PDE4D: variants seen among roughly 807,000 people sequenced by gnomAD.
The protein encoded by PDE4D is phosphodiesterase 4D, also known as 3',5'-cyclic-AMP phosphodiesterase 4D.
PDE4D carries 24 observed loss-of-function variants against 87.4 expected under a neutral mutation model. The observed-to-expected ratio is 0.27, with a 90% CI of 0.20 to 0.39. The LOEUF is 0.39. Ranked by LOEUF, PDE4D falls within the 10% of genes least tolerant of loss-of-function variation. The pLI, the probability that PDE4D is intolerant of heterozygous loss-of-function variation, is 1.00. For synonymous variants in PDE4D, 384 were observed against 383.2 expected, an observed-to-expected ratio of 1.00 and a Z score of -0.02; for missense variants, 714 against 1,041.0, an observed-to-expected ratio of 0.69 and a Z score of 4.32.
At chr5:59,220,399 A>G (rs530900197) in intron 1 of PDE4D, among the ~76,000 whole-genome samples, 278 of 146,676 alleles carry the variant, frequency 1.9e-3, no homozygotes, top group African/African-American at 6.7e-3. Flanking sequence ...AAAAAAAAAA[A>G]AAAGAAAGAC....
intron 1 of PDE4D, among the ~76,000 whole-genome samples, chr5:59,243,701 C>T (rs1758191479): frequency 6.6e-6 from 1 of 151,910 alleles, no homozygotes; most frequent in Non-Finnish European, 1.5e-5. Context: ...CTCAGGTGAT[C>T]TGCCTGCCTC....
At chr5:60,273,146 G>C (rs976810699) in intron 1 of PDE4D, among the ~76,000 whole-genome samples, 1 of 152,152 alleles carries the variant, frequency 6.6e-6, no homozygotes, top group Non-Finnish European at 1.5e-5. Flanking sequence ...GGGAACTGAA[G>C]GTCAGTGTGG....
At chr5:59,630,099 C>T (rs1001840287) in intron 1 of PDE4D, among the ~76,000 whole-genome samples, 6 of 152,198 alleles carry the variant, frequency 3.9e-5, no homozygotes, top group East Asian at 3.9e-4. Context: ...AAACTAACTC[C>T]GTATTTGATT....
chr5:60,415,950 T>C (rs1404309944), intron 1 of PDE4D, among the ~76,000 whole-genome samples: 1 of 152,214 alleles, frequency 6.6e-6, no homozygotes, highest in Non-Finnish European at 1.5e-5. Flanking sequence ...CAGCACTCTG[T>C]ATGTAGCTCA....
intron 1 of PDE4D, among the ~76,000 whole-genome samples, chr5:59,694,606 A>G (rs1296214901): frequency 2.6e-5 from 4 of 152,166 alleles, no homozygotes; most frequent in Non-Finnish European, 5.9e-5. Context: ...TGGGTGGGAG[A>G]CTATTAAGAG....
intron 5 of PDE4D, among the ~76,000 whole-genome samples, chr5:59,077,732 C>T (rs1431392214): frequency 3.3e-5 from 5 of 152,162 alleles, no homozygotes; most frequent in Admixed American, 3.3e-4. Flanking sequence ...GTCAGCTACT[C>T]TGGAGGTCTG....
chr5:60,485,395 CAAA>C (rs3834830), intron 1 of PDE4D, among the ~76,000 whole-genome samples: 8 of 130,998 alleles, frequency 6.1e-5, no homozygotes, highest in East Asian at 2.2e-4. Context: ...CAAAATTCAC[CAAA>C]AAAAAAAAAA....
At chr5:60,460,975 A>ACCC (rs1561281914) in intron 1 of PDE4D, among the ~76,000 whole-genome samples, 2 of 152,078 alleles carry the variant, frequency 1.3e-5, no homozygotes, top group African/African-American at 4.8e-5. Context: ...GGACCCCCCA[A>ACCC]GGAAGCTAAT....
At chr5:60,344,250 C>G (rs1329926274) in intron 1 of PDE4D, among the ~76,000 whole-genome samples, 2 of 152,136 alleles carry the variant, frequency 1.3e-5, no homozygotes, top group Non-Finnish European at 2.9e-5. Flanking sequence ...AATCCTTCTC[C>G]AACGGACATA....
At chr5:60,236,645 T>C (rs1746464431) in intron 1 of PDE4D, among the ~76,000 whole-genome samples, 1 of 151,936 alleles carries the variant, frequency 6.6e-6, no homozygotes, top group African/African-American at 2.4e-5. Flanking sequence ...ATACAGCCAT[T>C]ATTTCAGATT....
At chr5:60,520,202 T>C (rs1750973992) in intron 1 of PDE4D, among the ~76,000 whole-genome samples, 1 of 152,174 alleles carries the variant, frequency 6.6e-6, no homozygotes, top group African/African-American at 2.4e-5. Flanking sequence ...AGATACACTC[T>C]GGTCAACTGC....
intron 1 of PDE4D, among the ~76,000 whole-genome samples, chr5:60,502,882 T>A (rs1444765840): frequency 6.6e-6 from 1 of 152,214 alleles, no homozygotes; most frequent in Non-Finnish European, 1.5e-5. Flanking sequence ...ATAGTTGATA[T>A]GTCTTATTTT....
intron 1 of PDE4D, among the ~76,000 whole-genome samples, chr5:60,314,883 T>C (rs1755407023): frequency 6.6e-6 from 1 of 152,120 alleles, no homozygotes; most frequent in Non-Finnish European, 1.5e-5. Context: ...ATCCAGTCTA[T>C]CATTGTTGGA....
chr5:59,986,239 A>G (rs139883288), intron 3 of PDE4D, among the ~76,000 whole-genome samples: 16 of 152,310 alleles, frequency 1.1e-4, no homozygotes, highest in Middle Eastern at 6.8e-3. Flanking sequence ...TGTTTTTGAT[A>G]GAGACAAGGT....
intron 1 of PDE4D, among the ~76,000 whole-genome samples, chr5:60,358,095 G>A (rs1759765628): frequency 6.6e-6 from 1 of 152,164 alleles, no homozygotes; most frequent in African/African-American, 2.4e-5. Context: ...TGATAGAAAA[G>A]GAAGGGGAAC....
chr5:59,347,970 G>A (rs990131331), intron 1 of PDE4D, among the ~76,000 whole-genome samples: 3 of 152,030 alleles, frequency 2.0e-5, no homozygotes, highest in Admixed American at 6.6e-5. Context: ...GCTTCCCCAA[G>A]CAGAACCTCT....
intron 1 of PDE4D, among the ~76,000 whole-genome samples, chr5:60,283,968 C>G (rs1054054740): frequency 6.6e-6 from 1 of 151,594 alleles, no homozygotes; most frequent in Non-Finnish European, 1.5e-5. Context: ...TGAATGAATA[C>G]AGTGTGGTCA....
At chr5:60,239,737 C>G (rs1746865884) in intron 1 of PDE4D, among the ~76,000 whole-genome samples, 1 of 151,932 alleles carries the variant, frequency 6.6e-6, no homozygotes, top group Admixed American at 6.6e-5. Flanking sequence ...TTGTCTTTTG[C>G]TGGGTTACAC....
intron 1 of PDE4D, among the ~76,000 whole-genome samples, chr5:59,705,814 T>C (rs114173088): frequency 0.015 from 2,312 of 152,264 alleles, 48 homozygotes; most frequent in African/African-American, 0.048. Flanking sequence ...CATTGATCAC[T>C]TCTTACTTTG....
Sources: gnomAD v4.1 joint callset for allele counts (sites outside exome capture counted in the v4.1 genomes callset) on GRCh38, gnomAD v4.1.1 for gene constraint, MANE v1.5 for transcripts, NCBI Gene and HGNC (gene_info 2026-07-23, HGNC 2026-07-21) for gene names.